The following NTRK3 variants were observed in gnomAD, a reference collection of about 807,000 sequenced individuals.
NTRK3 encodes the protein NT-3 growth factor receptor.
In NTRK3, 24 loss-of-function variants were observed where a neutral mutation model predicts 91.7. The observed-to-expected ratio is 0.26, with a 90% confidence interval of 0.19 to 0.37. The LOEUF is 0.37. Among genes scored for constraint, NTRK3 ranks in the 10% least tolerant of loss-of-function variants. The probability of loss-of-function intolerance (pLI) is 1.00; values close to 1 mark genes in which losing one functional copy is unlikely to be tolerated. For missense variants in NTRK3, 880 were observed against 1,068.9 expected, an observed-to-expected ratio of 0.82 and a Z score of 2.46; for synonymous variants, 483 against 404.0, an observed-to-expected ratio of 1.20 and a Z score of -2.34.
intron 13 of NTRK3, among the ~76,000 whole-genome samples, chr15:88,121,366 T>C (rs1241755353): frequency 6.6e-6 from 1 of 152,108 alleles, no homozygotes; most frequent in East Asian, 1.9e-4. Context: ...TGGAAAGAGG[T>C]TGGAGCTAAA....
chr15:87,879,509 T>C (rs1372484498), intron 18 of NTRK3, among the ~76,000 whole-genome samples: 1 of 152,204 alleles, frequency 6.6e-6, no homozygotes, highest in East Asian at 1.9e-4. Context: ...CTCTTACCTG[T>C]GAGACCCTGG....
At chr15:88,021,584 A>G (rs1010773468) in intron 14 of NTRK3, among the ~76,000 whole-genome samples, 1 of 138,036 alleles carries the variant, frequency 7.2e-6, no homozygotes, top group Non-Finnish European at 1.6e-5. Flanking sequence ...TTTTACCATG[A>G]AACTTTTTTT....
At chr15:88,094,762 G>A (rs947974342) in intron 13 of NTRK3, among the ~76,000 whole-genome samples, 9 of 152,200 alleles carry the variant, frequency 5.9e-5, no homozygotes, top group African/African-American at 1.4e-4. Flanking sequence ...CCCTGCAGAC[G>A]TGAATGTCCC....
intron 17 of NTRK3, among the ~76,000 whole-genome samples, chr15:87,919,073 T>G (rs1221437136): frequency 6.6e-6 from 1 of 151,874 alleles, no homozygotes; most frequent in Non-Finnish European, 1.5e-5. Flanking sequence ...CAGACAATAA[T>G]GCTATTGGTG....
At chr15:88,086,189 C>T (rs1047630563) in intron 13 of NTRK3, among the ~76,000 whole-genome samples, 4 of 152,212 alleles carry the variant, frequency 2.6e-5, no homozygotes, top group South Asian at 2.1e-4. Context: ...CCCAGTCTCA[C>T]GACTGCAGAT....
chr15:87,968,073 A>T (rs1247143689), intron 14 of NTRK3, among the ~76,000 whole-genome samples: 3 of 152,202 alleles, frequency 2.0e-5, no homozygotes, highest in African/African-American at 7.2e-5. Flanking sequence ...CAGCAATAGT[A>T]AGATAGTGTA....
At chr15:87,893,489 C>A (rs2065950156) in intron 17 of NTRK3, among the ~76,000 whole-genome samples, 1 of 152,172 alleles carries the variant, frequency 6.6e-6, no homozygotes, top group Non-Finnish European at 1.5e-5. Flanking sequence ...CCCAACTCAC[C>A]CAACCACAGC....
At chr15:88,106,816 C>G (rs1180288661) in intron 13 of NTRK3, among the ~76,000 whole-genome samples, 1 of 151,892 alleles carries the variant, frequency 6.6e-6, no homozygotes, top group African/African-American at 2.4e-5. Flanking sequence ...GCCTGTAATC[C>G]CAGCTATTCA....
intron 6 of NTRK3, among the ~76,000 whole-genome samples, chr15:88,144,640 C>T (rs111999682): frequency 1.0e-3 from 152 of 152,250 alleles, no homozygotes; most frequent in African/African-American, 3.6e-3. Flanking sequence ...ATACCACTTA[C>T]TAGCCATGTG....
At chr15:88,041,183 T>C (rs988592757) in intron 13 of NTRK3, among the ~76,000 whole-genome samples, 8 of 152,166 alleles carry the variant, frequency 5.3e-5, no homozygotes, top group Non-Finnish European at 1.2e-4. Context: ...CTGCCAAATA[T>C]TTTCAGGGTT....
chr15:88,195,557 T>A (rs911429069), intron 3 of NTRK3, among the ~76,000 whole-genome samples: 1 of 152,212 alleles, frequency 6.6e-6, no homozygotes, highest in Non-Finnish European at 1.5e-5. Flanking sequence ...GCTGTGCCCA[T>A]GGGATTGGGG....
intron 13 of NTRK3, among the ~76,000 whole-genome samples, chr15:88,090,487 A>C (rs980988183): frequency 5.9e-5 from 9 of 152,320 alleles, no homozygotes; most frequent in African/African-American, 2.2e-4. Context: ...AAAAAGGAGA[A>C]AGAGTGAGAT....
chr15:88,249,103 G>A (rs2053116064), intron 3 of NTRK3, among the ~76,000 whole-genome samples: 1 of 152,168 alleles, frequency 6.6e-6, no homozygotes, highest in Admixed American at 6.5e-5. Context: ...CGTGTCTGGG[G>A]AAGGAATCCT....
chr15:88,055,687 T>C (rs950207951), intron 13 of NTRK3, among the ~76,000 whole-genome samples: 3 of 152,086 alleles, frequency 2.0e-5, no homozygotes, highest in African/African-American at 7.2e-5. Context: ...GTTCACTCAA[T>C]CAACCAAACA....
intron 13 of NTRK3, among the ~76,000 whole-genome samples, chr15:88,107,745 G>A (rs1013106082): frequency 6.6e-6 from 1 of 152,090 alleles, no homozygotes; most frequent in Non-Finnish European, 1.5e-5. Context: ...GAAATCCTCT[G>A]CAGGGAATAG....
rs540130123 is a variant in NTRK3, at chr15:87,916,086, G to A, written c.2133+13105C>T. 1.4e-3 allele frequency among the ~76,000 whole-genome samples: 220 copies of A among 152,136 alleles called. 1 individual carries two copies. Among genetic ancestry groups the A allele is most frequent in the Admixed American group, 5.2e-3 (80 of 15,290 alleles). On this transcript the variant is annotated intron_variant, in intron 17 of 18. Transcript: ENST00000394480. ...ATTTCAGATGCTTTGTATTGACCCA[G>A]TCTTCTGATTCCTCCTCCTCCTCCT...
chr15:87,991,573 CA>C (rs1243349027), intron 14 of NTRK3, among the ~76,000 whole-genome samples: 4 of 152,168 alleles, frequency 2.6e-5, no homozygotes, highest in African/African-American at 9.6e-5. Flanking sequence ...ATCATAACAA[CA>C]AACTCAACAT....
At chr15:88,227,836 G>A (rs543329982) in intron 3 of NTRK3, among the ~76,000 whole-genome samples, 15 of 151,556 alleles carry the variant, frequency 9.9e-5, no homozygotes, top group African/African-American at 1.2e-4. Context: ...CATGCCCCTC[G>A]CAGCAGTACC....
At chr15:88,144,509 G>A (rs1269262479) in intron 6 of NTRK3, among the ~76,000 whole-genome samples, 6 of 152,152 alleles carry the variant, frequency 3.9e-5, no homozygotes, top group Admixed American at 3.9e-4. Flanking sequence ...GGGGCTTCTG[G>A]AAGGAGAGGC....
Sources: allele counts gnomAD v4.1 joint callset (sites outside exome capture counted in the v4.1 genomes callset), GRCh38; gene constraint gnomAD v4.1.1; transcripts MANE v1.5; gene names NCBI Gene and HGNC (gene_info 2026-07-23, HGNC 2026-07-21).